MAZ: variants seen among roughly 807,000 people sequenced by gnomAD.
MAZ encodes MYC associated zinc finger protein.
A neutral mutation model predicts 32.7 loss-of-function variants in MAZ; 4 were observed. That is an observed-to-expected ratio of 0.12 (90% confidence interval 0.06 to 0.28). The LOEUF is 0.28. Among genes scored for constraint, MAZ ranks in the 10% least tolerant of loss-of-function variants. The pLI is 1.00. For missense variants in MAZ, 763 were observed against 667.2 expected (o/e 1.14, Z -1.58); for synonymous variants, 510 against 297.6 (o/e 1.71, Z -7.35).
At chr16:29,809,667 C>T (rs771573616) in intron 4 of MAZ, 16 of 1,579,682 alleles carry the variant, frequency 1.0e-5, no homozygotes, top group Admixed American at 5.3e-5. Context: ...AGCTGGCCGG[C>T]CACATGCAGA....
chr16:29,807,778 C>G lies in MAZ; in HGVS notation c.993C>G (p.Gly331=). 1.2e-6 allele frequency: 2 copies of G among 1,611,966 alleles called. No individual in the cohort carries two copies. Among genetic ancestry groups the G allele is most frequent in the South Asian group, 2.2e-5 (2 of 91,092 alleles). ...RMSYHVRSHD[G]AVHKPYNCSH... Reference sequence around the variant, plus strand: ...GCTACCACGTGCGCTCACATGACGGCGCTGTGCACAAGCCCTACAACTGCT... The same window carrying G: ...GCTACCACGTGCGCTCACATGACGGGGCTGTGCACAAGCCCTACAACTGCT... Residue 331 remains glycine, a synonymous_variant, in exon 2 of 5, where the codon GGC becomes GGG. Coordinates refer to ENST00000322945, the MANE Select transcript of MAZ (RefSeq NM_002383.4).
At chr16:29,809,419 G>A (rs1374298239) in intron 4 of MAZ, 6 of 686,866 alleles carry the variant, frequency 8.7e-6, no homozygotes, top group South Asian at 1.6e-5. Flanking sequence ...AGGCTACCAA[G>A]GATACCGTGG....
Position 29,807,592 on chromosome 16 carries a change from C to G in MAZ, c.807C>G (p.Thr269=), listed in dbSNP as rs767275720. The G allele has an allele frequency of 1.9e-6, 3 of 1,611,462 alleles. No homozygotes were observed. The highest frequency in any genetic ancestry group is 2.5e-6 in the Non-Finnish European group (3 of 1,179,416). Residue 269 remains threonine, a synonymous_variant, in exon 2 of 5, where the codon ACC becomes ACG. Transcript: ENST00000322945. ...CCGCCGGTGGCGTGGTGACCACGAC[C>G]GCCTCGGGGAAGCGCATCCGGAAGA... ...AVAAGGVVTT[T]ASGKRIRKNH...
chr16:29,806,761 C>G lies in MAZ; in HGVS notation c.60C>G (p.Asp20Glu). The stretch of plus-strand genomic sequence containing the variant: ...CCCCCTTCCCCGTGCTGGGCCTGGA[C>G]TCCCGGGGGGTGGGCGGCCTCATGA... Reference protein sequence around the residue: ...LAPPFPVLGLDSRGVGGLMNS... With the variant: ...LAPPFPVLGLESRGVGGLMNS... The change falls in exon 1 of 5, where the codon GAC (aspartate) becomes GAG (glutamate). Residue 20 changes from aspartate (D) to glutamate (E), a missense_variant. Asp to Glu is a conservative substitution (Grantham distance 45). Coordinates refer to ENST00000322945, the MANE Select transcript of MAZ (RefSeq NM_002383.4). 1 of 1,433,358 alleles carries G rather than the reference C, an allele frequency of 7.0e-7. No individual in the cohort carries two copies. The highest frequency in any genetic ancestry group is 9.2e-7 in the Non-Finnish European group (1 of 1,084,438). The allele number at this position is 1,433,358 out of a possible 1,614,324, so 88.8% of individuals were successfully genotyped here. A position where few individuals can be genotyped will look rare whatever the true frequency, so the allele number is the denominator to read the frequency against.
chr16:29,808,173 T>C (rs1161827517), intron 2 of MAZ, 57 bp from the exon 3 acceptor site: 16 of 1,462,464 alleles, frequency 1.1e-5, no homozygotes, highest in Non-Finnish European at 1.4e-5. Flanking sequence ...GTGGTGCGGT[T>C]TGGTGGATTT....
At position 29,806,662 on chromosome 16, in the gene MAZ, GC is replaced by G; in HGVS notation, c.-35del. 9.9e-7 allele frequency: 1 copy of G among 1,015,172 alleles called. No individual in the cohort carries two copies. Among genetic ancestry groups the G allele is most frequent in the Non-Finnish European group, 1.2e-6 (1 of 846,908 alleles). 62.9% of individuals were successfully genotyped at this position (1,015,172 alleles called of 1,614,324 possible). ...GGGCCCCGCGCGGCCCGCGCCCCCG[GC>G]CCCCGCTGAGCCCCGGGGGCCCCGC... On this transcript the variant is annotated 5_prime_UTR_variant, in exon 1 of 5. The change abolishes the stop of an existing upstream ORF in the 5' untranslated region. Coordinates refer to ENST00000322945, the MANE Select transcript of MAZ (RefSeq NM_002383.4).
chr16:29,809,720 C>T lies in MAZ; in HGVS notation c.1280-357C>T, dbSNP rs1265462288. 9 of 1,473,414 alleles carry T rather than the reference C, an allele frequency of 6.1e-6. No individual in the cohort carries two copies. Among genetic ancestry groups the T allele is most frequent in the East Asian group, 2.4e-5 (1 of 41,148 alleles). 91.3% of individuals were successfully genotyped at this position (1,473,414 alleles called of 1,614,324 possible). A position where few individuals can be genotyped will look rare whatever the true frequency, so the allele number is the denominator to read the frequency against. ...GCCCCCCCTGTCCCGGGAGACGCCC[C>T]CCAGCCACAGCCCACCTGCTGAGGG... On this transcript the variant is annotated intron_variant, in intron 4 of 4. Transcript: ENST00000322945.
upstream of MAZ, chr16:29,806,166 A>G: frequency 1.0e-6 from 1 of 982,098 alleles, no homozygotes; most frequent in East Asian, 6.2e-5. Context: ...CAACTGGAGC[A>G]GCTTCATCTT....
upstream of MAZ, chr16:29,806,258 C>A: frequency 4.4e-6 from 1 of 225,136 alleles, no homozygotes. Flanking sequence ...CCCACCCCCC[C>A]TCCGCGCGCC....
chr16:29,810,518 C>T lies in MAZ; in HGVS notation c.*287C>T, dbSNP rs1343820406. 5.7e-6 allele frequency: 4 copies of T among 701,522 alleles called. No homozygotes were observed. Among genetic ancestry groups the T allele is most frequent in the South Asian group, 1.5e-5 (1 of 66,768 alleles). 43.5% of individuals were successfully genotyped at this position (701,522 alleles called of 1,614,324 possible). A position where few individuals can be genotyped will look rare whatever the true frequency, so the allele number is the denominator to read the frequency against. ...GCAGAGGACACGAGCAGCCACTGCC[C>T]GTACCCCCTCTCCTCTCTGTAAGCC... On this transcript the variant is annotated 3_prime_UTR_variant, in exon 5 of 5. Coordinates refer to ENST00000322945, the MANE Select transcript of MAZ (RefSeq NM_002383.4).
In MAZ at chr16:29,806,696, G is replaced by C; in HGVS notation, c.-6G>C. 1 of 1,236,950 alleles carries C rather than the reference G, an allele frequency of 8.1e-7. No homozygotes were observed. Among genetic ancestry groups the C allele is most frequent in the Non-Finnish European group, 1.0e-6 (1 of 970,274 alleles). The allele number at this position is 1,236,950 out of a possible 1,614,324, so 76.6% of individuals were successfully genotyped here. A position where few individuals can be genotyped will look rare whatever the true frequency, so the allele number is the denominator to read the frequency against. ...GAGCCCCGGGGGCCCCGCTGCGGCC[G>C]AGGCCATGTTCCCGGTGTTTCCTTG... On this transcript the variant is annotated 5_prime_UTR_variant, in exon 1 of 5. Coordinates refer to ENST00000322945, the MANE Select transcript of MAZ (RefSeq NM_002383.4).
Position 29,808,871 on chromosome 16 carries a change from A to G in MAZ, c.1279+130A>G, listed in dbSNP as rs141791936. The G allele has an allele frequency of 1.0e-3, 890 of 850,186 alleles. 10 individuals carry two copies. In the African/African-American group the frequency reaches 0.012, roughly 12 times the overall value. 52.7% of individuals were successfully genotyped at this position (850,186 alleles called of 1,614,324 possible). On this transcript the variant is annotated intron_variant, in intron 4 of 4. Transcript: ENST00000322945. ...GCGTCTAGATTCCTACAAGAGGTCAAGGGAGCAGCGGGGGGACACCTGAAT... is the reference window on the plus strand; with the variant it reads ...GCGTCTAGATTCCTACAAGAGGTCAGGGGAGCAGCGGGGGGACACCTGAAT...
rs1360826485 is a variant in MAZ, at chr16:29,806,884, T to C, written c.183T>C (p.Ser61=). The change falls in exon 1 of 5, where the codon AGT becomes AGC. Residue 61 remains serine, a synonymous_variant. Coordinates refer to ENST00000322945, the MANE Select transcript of MAZ (RefSeq NM_002383.4). ...TTGCCTCCCAGGGCTGCGCCCAGAG[T>C]CCATTCCAGGTGAGTAGGGCCGGCC... ...RFFASQGCAQ[S]PFQAAPAPPP... is the part of the protein sequence containing the mutation. 6.4e-6 allele frequency: 9 copies of C among 1,396,228 alleles called. No homozygotes were observed. Among genetic ancestry groups the C allele is most frequent in the Admixed American group, 2.7e-5 (1 of 37,426 alleles). The allele number at this position is 1,396,228 out of a possible 1,614,324, so 86.5% of individuals were successfully genotyped here. A position where few individuals can be genotyped will look rare whatever the true frequency, so the allele number is the denominator to read the frequency against.
intron 4 of MAZ, chr16:29,809,158 C>T (rs926295079): frequency 8.2e-6 from 4 of 490,710 alleles, no homozygotes; most frequent in African/African-American, 4.0e-5. Flanking sequence ...GAGAAAGCTG[C>T]CTTCAGTCAG....
rs370462022 is a variant in MAZ at position 29,810,102 on chromosome 16, GGCGGCAGCGGCA to G, written c.1311_1322del (p.Ala445_Ala448del). On this transcript the variant is annotated inframe_deletion, in exon 5 of 5. Coordinates refer to ENST00000322945, the MANE Select transcript of MAZ (RefSeq NM_002383.4). ...GTACTGGTGAGGTTTGTCCAATGGC[GGCGGCAGCGGCA>G]GCGGCGGCAGCGGCAGCAGCGGCAG... The G allele has an allele frequency of 9.0e-6, 14 of 1,560,560 alleles. No individual in the cohort carries two copies. The South Asian group carries it at 1.7e-4, about 18-fold the overall frequency.
rs903105023 is a variant in MAZ, at chr16:29,810,479, A to G, written c.*248A>G. 2 of 704,432 alleles carry G rather than the reference A, an allele frequency of 2.8e-6. No homozygotes were observed. The highest frequency in any genetic ancestry group is 2.0e-5 in the Admixed American group (1 of 49,994). The allele number at this position is 704,432 out of a possible 1,614,324, so 43.6% of individuals were successfully genotyped here. ...TCGGTTGTGTTGAAGTCCCCTGGAC[A>G]GTGGGCAGGGGTGGCAGAGGACACG... On this transcript the variant is annotated 3_prime_UTR_variant, in exon 5 of 5. Coordinates refer to ENST00000322945, the MANE Select transcript of MAZ (RefSeq NM_002383.4).
At chr16:29,808,973 G>A in intron 4 of MAZ, 1 of 567,626 alleles carries the variant, frequency 1.8e-6, no homozygotes, top group Non-Finnish European at 3.1e-6. Flanking sequence ...GGTAATGTGT[G>A]GGGAAAGCGG....
At position 29,810,286 on chromosome 16, in the gene MAZ, A is replaced by G. The variant is rs764973702; in HGVS notation, c.*55A>G. 6.6e-7 allele frequency: 1 copy of G among 1,504,248 alleles called. No homozygotes were observed. The highest frequency in any genetic ancestry group is 1.2e-5 in the South Asian group (1 of 83,424). The allele number at this position is 1,504,248 out of a possible 1,614,324, so 93.2% of individuals were successfully genotyped here. A position where few individuals can be genotyped will look rare whatever the true frequency, so the allele number is the denominator to read the frequency against. The stretch of plus-strand genomic sequence containing the variant: ...GAATGGAGTAGAGTCCCTTGGTACA[A>G]GCTCCTCTCCCCCCTCTTTTCCCAC... On this transcript the variant is annotated 3_prime_UTR_variant, in exon 5 of 5. Coordinates refer to ENST00000322945, the MANE Select transcript of MAZ (RefSeq NM_002383.4).
rs774465574 is a variant in MAZ, at chr16:29,807,649, C to T, written c.864C>T (p.Phe288=). The change falls in exon 2 of 5, where the codon TTC becomes TTT. Residue 288 remains phenylalanine, a synonymous_variant. Transcript: ENST00000322945. The part of the protein sequence containing the change: ...NHACEMCGKA[F]RDVYHLNRHK... Reference sequence around the variant, plus strand: ...CCTGCGAGATGTGTGGCAAGGCCTTCCGCGACGTCTACCACCTGAACCGAC... The same window carrying T: ...CCTGCGAGATGTGTGGCAAGGCCTTTCGCGACGTCTACCACCTGAACCGAC... 1.2e-5 allele frequency: 20 copies of T among 1,612,848 alleles called. No individual in the cohort carries two copies. The highest frequency in any genetic ancestry group is 3.3e-5 in the Admixed American group (2 of 60,028).
Sources: gnomAD v4.1 joint callset for allele counts on GRCh38, gnomAD v4.1.1 for gene constraint, MANE v1.5 for transcripts, NCBI Gene and HGNC (gene_info 2026-07-23, HGNC 2026-07-21) for gene names.